MSH4: variants seen among roughly 807,000 people sequenced by gnomAD.
MSH4 encodes the protein mutS homolog 4, also known as mutS protein homolog 4.
In MSH4, 106 loss-of-function variants were observed where a neutral mutation model predicts 113.7. The ratio of observed to expected loss-of-function variants is 0.93; its 90% CI spans 0.80 to 1.10. The LOEUF is 1.10. Among genes scored for constraint, MSH4 ranks in the 50% least tolerant of loss-of-function variants. The probability of loss-of-function intolerance (pLI) is 0.00; values close to 1 mark genes in which losing one functional copy is unlikely to be tolerated. For missense variants in MSH4, 1,061 were observed against 1,093.7 expected (o/e 0.97, Z 0.42); for synonymous variants, 368 against 380.2 (o/e 0.97, Z 0.37).
At chr1:75,898,109 C>G in intron 18 of MSH4, 28 bp downstream of exon 18, 2 of 1,381,268 alleles carry the variant, frequency 1.4e-6, no homozygotes, top group Non-Finnish European at 1.9e-6. Context: ...TATACCTATA[C>G]ATTCAAATAC....
At chr1:75,910,061 G>C (rs992838704) in intron 19 of MSH4, among the ~76,000 whole-genome samples, 17 of 151,916 alleles carry the variant, frequency 1.1e-4, no homozygotes, top group African/African-American at 3.6e-4. Flanking sequence ...CTAAGAGTAT[G>C]CTTAGATTTC....
chr1:75,878,396 A>C (rs1651860639), intron 11 of MSH4, 78 bp downstream of exon 11: 1 of 1,073,040 alleles, frequency 9.3e-7, no homozygotes. Context: ...TTTGCTGCTG[A>C]TGACTAGCCA....
At chr1:75,883,323 CT>C (rs1651976994) in intron 14 of MSH4, among the ~76,000 whole-genome samples, 1 of 151,508 alleles carries the variant, frequency 6.6e-6, no homozygotes, top group South Asian at 2.1e-4. Flanking sequence ...CTGCTTGGTT[CT>C]TTTTAATCTA....
At chr1:75,864,222 A>G (rs974622512) in intron 8 of MSH4, among the ~76,000 whole-genome samples, 1 of 152,152 alleles carries the variant, frequency 6.6e-6, no homozygotes, top group South Asian at 2.1e-4. Context: ...CTGCTATATG[A>G]TATTCCACTG....
intron 1 of MSH4, among the ~76,000 whole-genome samples, chr1:75,803,086 T>G (rs1170002368): frequency 6.6e-6 from 1 of 152,144 alleles, no homozygotes; most frequent in Non-Finnish European, 1.5e-5. Flanking sequence ...CCTGCCACAC[T>G]TCACTGGGGA....
intron 8 of MSH4, among the ~76,000 whole-genome samples, chr1:75,862,747 T>C (rs1161835077): frequency 2.0e-5 from 3 of 152,194 alleles, no homozygotes; most frequent in Non-Finnish European, 2.9e-5. Flanking sequence ...TTCAGACTTG[T>C]GCTGGTTAAA....
At chr1:75,855,007 T>C (rs193255788) in intron 8 of MSH4, among the ~76,000 whole-genome samples, 1 of 151,386 alleles carries the variant, frequency 6.6e-6, no homozygotes, top group African/African-American at 2.4e-5. Context: ...ATGGCCACTT[T>C]ATATAGATAA....
Position 75,881,143 on chromosome 1 carries a change from A to G in MSH4, c.1782-103A>G, listed in dbSNP as rs72688176. The G allele has an allele frequency of 4.9e-5, 43 of 874,386 alleles. No homozygotes were observed. In the Middle Eastern group the frequency reaches 1.1e-3, roughly 21 times the overall value. The allele number at this position is 874,386 out of a possible 1,614,324, so 54.2% of individuals were successfully genotyped here. ...TCTATAGTGTATAACTCAGATGTGA[A>G]TATTATTTTACTTCAGGCAATGAAT... is the stretch of plus-strand genomic sequence containing the variant. On this transcript the variant is annotated intron_variant, in intron 13 of 19. Transcript: ENST00000263187.
intron 8 of MSH4, among the ~76,000 whole-genome samples, chr1:75,854,013 G>GTATGTATATATATATATATATATA (rs1553135434): frequency 8.6e-6 from 1 of 116,838 alleles, no homozygotes; most frequent in African/African-American, 2.7e-5. Flanking sequence ...GTGTGTGTGT[G>GTATGTATATATATATATATATATA]TATATATATA....
rs770875956 is a variant in MSH4, at chr1:75,797,022, GC to G, written c.41del (p.Pro14ArgfsTer145). The part of the protein sequence containing the change: ...RPEISSTSPS[A>X]PAVSPSSGET... ...TGAGATCTCATCAACCTCGCCTTCTGCCCCGGCGGTTTCCCCGTCGTCGGGA... is the reference window on the plus strand; with the variant it reads ...TGAGATCTCATCAACCTCGCCTTCTGCCCGGCGGTTTCCCCGTCGTCGGGA... On this transcript the variant is annotated frameshift_variant, in exon 1 of 20. Transcript: ENST00000263187. LOFTEE classifies it high-confidence loss of function. The G allele has an allele frequency of 2.5e-6, 4 of 1,614,114 alleles. No homozygotes were observed. The South Asian group carries it at 4.4e-5, about 18-fold the overall frequency.
chr1:75,859,906 G>A (rs1470350755), intron 8 of MSH4, among the ~76,000 whole-genome samples: 2 of 152,156 alleles, frequency 1.3e-5, no homozygotes, highest in African/African-American at 2.4e-5. Flanking sequence ...AAGTCTCTTT[G>A]TAGATCTCTA....
At chr1:75,854,011 G>GTATATATATATATATATATATATA (rs72458089) in intron 8 of MSH4, among the ~76,000 whole-genome samples, 4,504 of 110,688 alleles carry the variant, frequency 0.041, 328 homozygotes, top group Middle Eastern at 0.09. Context: ...AAGTGTGTGT[G>GTATATATATATATATATATATATA]TGTATATATA....
rs572713162 is a variant in MSH4 at position 75,827,546 on chromosome 1, T to C, written c.1162+4965T>C. Among the ~76,000 whole-genome samples the C allele has an allele frequency of 4.0e-4, 61 of 151,526 alleles. 1 individual carries two copies. The highest frequency in any genetic ancestry group is 1.4e-3 in the African/African-American group (59 of 41,238). ...CAATTAAAAGACACAGACTGACAAATTGGATAATGAGTCAAGACCCATCAG... is the reference window on the plus strand; with the variant it reads ...CAATTAAAAGACACAGACTGACAAACTGGATAATGAGTCAAGACCCATCAG... On this transcript the variant is annotated intron_variant, in intron 7 of 19. Transcript: ENST00000263187.
intron 8 of MSH4, 76 bp downstream of exon 8, chr1:75,848,352 T>C (rs1251728490): frequency 9.5e-7 from 1 of 1,058,168 alleles, no homozygotes; most frequent in African/African-American, 1.6e-5. Context: ...AATGTAACAA[T>C]TGGAAAATAT....
chr1:75,810,412 A>ATTTT lies in MSH4; in HGVS notation c.589-266_589-263dup, dbSNP rs760146124. On this transcript the variant is annotated intron_variant, in intron 3 of 19. Coordinates refer to ENST00000263187, the MANE Select transcript of MSH4 (RefSeq NM_002440.4). ...ACCACCATGCTCGGGTAATTTTTGT[A>ATTTT]TTTTTTTTTTTTTTTTTTTTTTAGT... 2.2e-3 allele frequency among the ~76,000 whole-genome samples: 226 copies of ATTTT among 104,472 alleles called. 5 individuals are homozygous for ATTTT. The highest frequency in any genetic ancestry group is 0.011 in the Middle Eastern group (2 of 180). 68.5% of individuals were successfully genotyped at this position (104,472 alleles called of 152,430 possible). A position where few individuals can be genotyped will look rare whatever the true frequency, so the allele number is the denominator to read the frequency against.
chr1:75,834,039 CA>C (rs1238724581), intron 7 of MSH4, among the ~76,000 whole-genome samples: 6 of 152,168 alleles, frequency 3.9e-5, no homozygotes, highest in African/African-American at 1.4e-4. Context: ...ACCCATCTGA[CA>C]AAGCGCTAAT....
At chr1:75,885,055 G>A (rs535640555) in intron 15 of MSH4, among the ~76,000 whole-genome samples, 17,505 of 100,248 alleles carry the variant, frequency 0.17, 1,740 homozygotes, top group African/African-American at 0.3. Context: ...GTGTGTGTGT[G>A]TGTGTATATA....
intron 6 of MSH4, among the ~76,000 whole-genome samples, chr1:75,819,117 G>C (rs1285962644): frequency 6.6e-6 from 1 of 151,984 alleles, no homozygotes; most frequent in Non-Finnish European, 1.5e-5. Flanking sequence ...TTCTTGATAT[G>C]ATTATGTGTT....
chr1:75,901,583 T>C (rs1652506921), intron 19 of MSH4, among the ~76,000 whole-genome samples: 1 of 152,166 alleles, frequency 6.6e-6, no homozygotes, highest in Non-Finnish European at 1.5e-5. Context: ...GGTTGATCCA[T>C]ATCTTGGCTA....
Sources: gnomAD v4.1 joint callset for allele counts (sites outside exome capture counted in the v4.1 genomes callset) on GRCh38, gnomAD v4.1.1 for gene constraint, MANE v1.5 for transcripts, NCBI Gene and HGNC (gene_info 2026-07-23, HGNC 2026-07-21) for gene names.